Variants in SCN3A observed in about 807,000 individuals in gnomAD.
SCN3A encodes the protein sodium voltage-gated channel alpha subunit 3.
SCN3A carries 60 observed loss-of-function variants against 187.6 expected under a neutral mutation model. The ratio of observed to expected loss-of-function variants is 0.32; its 90% CI spans 0.26 to 0.40. The LOEUF is 0.40. Ranked by LOEUF, SCN3A falls within the 10% of genes least tolerant of loss-of-function variation. The pLI is 1.00. For synonymous variants in SCN3A, 788 were observed against 829.2 expected (o/e 0.95, Z 0.85); for missense variants, 1,601 against 2,428.2 (o/e 0.66, Z 7.16).
At chr2:165,166,117 T>C (rs980519504) in intron 5 of SCN3A, among the ~76,000 whole-genome samples, 2 of 152,210 alleles carry the variant, frequency 1.3e-5, no homozygotes, top group Non-Finnish European at 2.9e-5. Context: ...CTGTGGTTTA[T>C]GCTGAGGCAA....
At chr2:165,116,916 G>A (rs1204651904) in intron 18 of SCN3A, among the ~76,000 whole-genome samples, 1 of 144,398 alleles carries the variant, frequency 6.9e-6, no homozygotes. Context: ...ACTTTTGGCT[G>A]ATAGTTCTTA....
At chr2:165,096,375 T>C (rs1685365354) in intron 24 of SCN3A, 92 bp downstream of exon 24, 2 of 930,668 alleles carry the variant, frequency 2.1e-6, no homozygotes, top group Non-Finnish European at 3.5e-6. Context: ...AATGTTCTAA[T>C]ATAGAATTTT....
At chr2:165,178,823 T>C (rs973958919) in intron 2 of SCN3A, among the ~76,000 whole-genome samples, 1 of 152,218 alleles carries the variant, frequency 6.6e-6, no homozygotes, top group African/African-American at 2.4e-5. Context: ...TTTTGTGTTT[T>C]CTAAATTTAC....
chr2:165,133,907 T>C (rs1002127985), intron 15 of SCN3A, among the ~76,000 whole-genome samples: 4 of 152,146 alleles, frequency 2.6e-5, no homozygotes, highest in African/African-American at 4.8e-5. Flanking sequence ...TTATTAAAAA[T>C]TGATTTCGTA....
At chr2:165,157,472 C>G (rs1689129957) in intron 9 of SCN3A, among the ~76,000 whole-genome samples, 1 of 152,156 alleles carries the variant, frequency 6.6e-6, no homozygotes, top group Non-Finnish European at 1.5e-5. Context: ...GGTAAAATGT[C>G]ACTGTCATCA....
At chr2:165,162,424 AG>A in intron 8 of SCN3A, 53 bp from the exon 9 acceptor site, 2 of 1,596,614 alleles carry the variant, frequency 1.3e-6, no homozygotes, top group Non-Finnish European at 1.7e-6. Context: ...TATTCACATT[AG>A]TATTAGTAAT....
chr2:165,166,185 G>C (rs1055988566), intron 5 of SCN3A, among the ~76,000 whole-genome samples: 1 of 152,116 alleles, frequency 6.6e-6, no homozygotes, highest in Non-Finnish European at 1.5e-5. Context: ...TTTTGTTCTT[G>C]ATTTGGGGAA....
intron 2 of SCN3A, among the ~76,000 whole-genome samples, chr2:165,178,631 TA>T (rs1257675756): frequency 2.6e-5 from 4 of 152,196 alleles, no homozygotes; most frequent in African/African-American, 9.6e-5. Flanking sequence ...ATATTCTATA[TA>T]AGTTATAAAA....
At chr2:165,132,942 AC>A (rs1687434249) in intron 15 of SCN3A, among the ~76,000 whole-genome samples, 1 of 152,198 alleles carries the variant, frequency 6.6e-6, no homozygotes. Flanking sequence ...CAAGAAAAAA[AC>A]AAACAACCCC....
In SCN3A at chr2:165,090,280, G is replaced by C. The variant is rs1483176268; in HGVS notation, c.5873C>G (p.Thr1958Arg). The C allele has an allele frequency of 1.9e-6, 3 of 1,612,822 alleles. No individual in the cohort carries two copies. Among genetic ancestry groups the C allele is most frequent in the East Asian group, 4.5e-5 (2 of 44,846 alleles). The change falls in exon 28 of 28, where the codon ACA becomes AGA. Residue 1958 changes from threonine (T) to arginine (R), a missense_variant. Coordinates refer to ENST00000283254, the MANE Select transcript of SCN3A (RefSeq NM_006922.4). The surrounding 1 kb of genome is among the most constrained non-coding windows in gnomAD (Gnocchi z 4.0). Reference protein sequence around the residue: ...KLNGNSTPEKTDGSSSTTSPP... With the variant: ...KLNGNSTPEKRDGSSSTTSPP... ...AGAGGTGGTAGAGGAACTCCCATCT[G>C]TTTTTTCTGGAGTGGAGTTCCCATT...
At chr2:165,130,948 G>A (rs1001180449) in intron 16 of SCN3A, among the ~76,000 whole-genome samples, 9 of 152,038 alleles carry the variant, frequency 5.9e-5, no homozygotes, top group East Asian at 1.9e-4. Flanking sequence ...TTTTATTTGC[G>A]TATCTTTACA....
chr2:165,114,620 A>T (rs1486289398), intron 19 of SCN3A, among the ~76,000 whole-genome samples: 1 of 152,178 alleles, frequency 6.6e-6, no homozygotes, highest in East Asian at 1.9e-4. Flanking sequence ...ATATTCATTG[A>T]TTTGTGTTCA....
intron 15 of SCN3A, among the ~76,000 whole-genome samples, chr2:165,134,215 CACA>C (rs1272309894): frequency 2.6e-5 from 4 of 152,094 alleles, no homozygotes; most frequent in African/African-American, 9.7e-5. Flanking sequence ...ATGAAACAAA[CACA>C]ACATTTATTT....
chr2:165,154,652 G>A lies in SCN3A; in HGVS notation c.1180C>T (p.Arg394Cys), dbSNP rs1006669315. The change falls in exon 11 of 28, where the codon CGT becomes TGT. Residue 394 changes from arginine (R) to cysteine (C), a missense_variant. This residue lies in a region of SCN3A where 47 missense variants were observed against 105.8 expected (regional missense o/e 0.44). Transcript: ENST00000283254. The stretch of plus-strand genomic sequence containing the variant: ...ATCATGTATGTTTTCCCAGCAGCAC[G>A]TAATGTCTAGGGGAAATGGGGGATA... ...YWENLYQLTL[R>C]AAGKTYMIFF... 5 of 1,613,104 alleles carry A rather than the reference G, an allele frequency of 3.1e-6. No individual in the cohort carries two copies. Among genetic ancestry groups the A allele is most frequent in the African/African-American group, 1.3e-5 (1 of 74,880 alleles).
chr2:165,168,665 C>T (rs1689926753), intron 5 of SCN3A, 71 bp downstream of exon 5: 3 of 1,047,916 alleles, frequency 2.9e-6, no homozygotes, highest in Admixed American at 1.7e-5. Flanking sequence ...ATAAGTCAGG[C>T]TATACCCACA....
rs1689452578 is a variant in SCN3A, at chr2:165,162,313, A to G, written c.1026T>C (p.Asp342=). The change falls in exon 9 of 28, where the codon GAT becomes GAC. Residue 342 remains aspartate (D), a synonymous_variant. Transcript: ENST00000283254. The stretch of plus-strand genomic sequence containing the variant: ...AAATATATTATGTTTCTTACCCTGC[A>G]TCTGAGCCATTTCCACAGAGTAAAG... The part of the protein sequence containing the change: ...KDPLLCGNGS[D]AGQCPEGYIC... The G allele has an allele frequency of 6.2e-7, 1 of 1,612,754 alleles. No individual in the cohort carries two copies. Among genetic ancestry groups the G allele is most frequent in the Non-Finnish European group, 8.5e-7 (1 of 1,179,298 alleles).
intron 1 of SCN3A, among the ~76,000 whole-genome samples, chr2:165,188,087 T>C (rs1228597527): frequency 6.6e-6 from 1 of 152,050 alleles, no homozygotes; most frequent in Non-Finnish European, 1.5e-5. Flanking sequence ...TTTGCTGGGA[T>C]GTGGAGGGGG....
intron 21 of SCN3A, among the ~76,000 whole-genome samples, chr2:165,100,866 C>G (rs1457330879): frequency 2.6e-5 from 4 of 152,212 alleles, no homozygotes; most frequent in Non-Finnish European, 5.9e-5. Flanking sequence ...GATTAGATAT[C>G]TTATCTCCCT....
At chr2:165,182,292 C>G (rs1335360489) in intron 2 of SCN3A, among the ~76,000 whole-genome samples, 2 of 152,142 alleles carry the variant, frequency 1.3e-5, no homozygotes, top group African/African-American at 4.8e-5. Context: ...AGCTCTGGTA[C>G]CAAAAGGCAT....
Sources: allele counts gnomAD v4.1 joint callset (sites outside exome capture counted in the v4.1 genomes callset), GRCh38; gene constraint gnomAD v4.1.1; regional missense constraint gnomAD v4.1.1; non-coding constraint Gnocchi (gnomAD v3.1); transcripts MANE v1.5; gene names NCBI Gene and HGNC (gene_info 2026-07-23, HGNC 2026-07-21).